DDX52: variants seen among roughly 807,000 people sequenced by gnomAD.
The protein encoded by DDX52 is DExD-box helicase 52.
In DDX52, 59 loss-of-function variants were observed where a neutral mutation model predicts 76.1. The ratio of observed to expected loss-of-function variants is 0.78; its 90% confidence interval spans 0.63 to 0.96. The LOEUF is 0.96. Among genes scored for constraint, DDX52 ranks in the 40% least tolerant of loss-of-function variants. The pLI is 0.00. For missense variants in DDX52, 707 were observed against 703.9 expected (o/e 1.00, Z -0.05); for synonymous variants, 231 against 244.1 (o/e 0.95, Z 0.50).
At chr17:37,617,958 A>C (rs1344444352) in intron 14 of DDX52, among the ~76,000 whole-genome samples, 1 of 150,706 alleles carries the variant, frequency 6.6e-6, no homozygotes, top group African/African-American at 2.4e-5. Context: ...TAAAAATACA[A>C]AAAAAAAATA....
At chr17:37,618,192 T>C in intron 14 of DDX52, 100 bp downstream of exon 14, 4 of 801,478 alleles carry the variant, frequency 5.0e-6, no homozygotes, top group South Asian at 1.6e-5. Context: ...TAACAGACTG[T>C]AGTATCAATT....
intron 14 of DDX52, among the ~76,000 whole-genome samples, chr17:37,618,044 G>C (rs983962626): frequency 6.6e-6 from 1 of 152,160 alleles, no homozygotes; most frequent in Non-Finnish European, 1.5e-5. Context: ...GAACCCGGGA[G>C]GCAGAGGTTG....
Position 37,633,396 on chromosome 17 carries a change from A to T in DDX52, c.309T>A (p.Gly103=). ...CAGATGACATCCACTGTATAGTAGC[A>T]CCTTCTTCTTGGGAAGCAATTTCTA... ...MTSEIASQEE[G]ATIQWMSSVE... Residue 103 remains glycine (G), a synonymous_variant, in exon 3 of 15, where the codon GGT becomes GGA. Coordinates refer to ENST00000617633, the MANE Select transcript of DDX52 (RefSeq NM_007010.5). 6.3e-7 allele frequency: 1 copy of T among 1,575,212 alleles called. No individual in the cohort carries two copies. Among genetic ancestry groups the T allele is most frequent in the Non-Finnish European group, 8.6e-7 (1 of 1,166,078 alleles).
intron 2 of DDX52, among the ~76,000 whole-genome samples, chr17:37,634,182 C>G (rs2030820803): frequency 6.6e-6 from 1 of 151,502 alleles, no homozygotes; most frequent in Non-Finnish European, 1.5e-5. Context: ...CACCTGACCT[C>G]AAGTGATCCG....
rs1299477102 is a variant in DDX52 at position 37,610,541 on chromosome 17, C to G, written c.*3755G>C. 6.7e-6 allele frequency: 1 copy of G among 149,892 alleles called. No homozygotes were observed. The highest frequency in any genetic ancestry group is 1.5e-5 in the Non-Finnish European group (1 of 67,974). The allele number at this position is 149,892 out of a possible 1,614,324, so 9.3% of individuals were successfully genotyped here. A position where few individuals can be genotyped will look rare whatever the true frequency, so the allele number is the denominator to read the frequency against. The stretch of plus-strand genomic sequence containing the variant: ...ACAAGTAATGGATTAATTAGCTTTA[C>G]GTTTTCACTCTTGTCTCAAGGTTTT... On this transcript the variant is annotated 3_prime_UTR_variant, in exon 15 of 15. Transcript: ENST00000617633.
intron 3 of DDX52, 45 bp from the exon 4 acceptor site, chr17:37,632,343 A>G: frequency 6.3e-7 from 1 of 1,595,472 alleles, no homozygotes; most frequent in South Asian, 1.1e-5. Flanking sequence ...GGCCAAATAA[A>G]TACATTCTCA....
intron 4 of DDX52, 40 bp downstream of exon 4, chr17:37,632,072 GA>G: frequency 6.2e-7 from 1 of 1,611,700 alleles, no homozygotes; most frequent in South Asian, 1.1e-5. Context: ...CAAACACACA[GA>G]GGAAGGAATG....
intron 5 of DDX52, among the ~76,000 whole-genome samples, chr17:37,628,940 G>A (rs1034270446): frequency 8.5e-5 from 13 of 152,082 alleles, no homozygotes; most frequent in South Asian, 4.1e-4. Context: ...ACTACTGGCC[G>A]GGTGTGGGGG....
intron 5 of DDX52, among the ~76,000 whole-genome samples, chr17:37,629,329 C>T (rs2030564565): frequency 6.6e-6 from 1 of 151,338 alleles, no homozygotes; most frequent in Non-Finnish European, 1.5e-5. Context: ...ATATTAAGCA[C>T]ATTGGGAGGG....
Position 37,628,587 on chromosome 17 carries a change from A to G in DDX52, c.833T>C (p.Phe278Ser), listed in dbSNP as rs150658144. 448 of 1,612,894 alleles carry G rather than the reference A, an allele frequency of 2.8e-4. 2 individuals carry two copies. The highest frequency in any genetic ancestry group is 1.0e-3 in the South Asian group (94 of 90,638). Reference protein sequence around the residue: ...IHKAAVAAKKFGPKSSKKFDI... With the variant: ...IHKAAVAAKKSGPKSSKKFDI... ...AAACTTTTTAGATGATTTAGGTCCA[A>G]ATTTCTTGGCTGCCACTGCTGCTTT... Residue 278 changes from phenylalanine (F) to serine (S), a missense_variant, in exon 6 of 15, where the codon TTT (phenylalanine) becomes TCT (serine). Coordinates refer to ENST00000617633, the MANE Select transcript of DDX52 (RefSeq NM_007010.5).
chr17:37,626,070 C>A lies in DDX52; in HGVS notation c.961G>T (p.Asp321Tyr). The A allele has an allele frequency of 6.2e-7, 1 of 1,614,138 alleles. No individual in the cohort carries two copies. Among genetic ancestry groups the A allele is most frequent in the Non-Finnish European group, 8.5e-7 (1 of 1,180,020 alleles). ...GTTTTGCCATCTTCAAACAGTTTATCTGATTCGTCTACTACAAGCCACTCA... is the reference window on the plus strand; with the variant it reads ...GTTTTGCCATCTTCAAACAGTTTATATGATTCGTCTACTACAAGCCACTCA... ...SVEWLVVDES[D>Y]KLFEDGKTGF... The change falls in exon 8 of 15, where the codon GAT (aspartate) becomes TAT (tyrosine). Residue 321 changes from aspartate to tyrosine, a missense_variant. Physicochemically the swap from Asp to Tyr is radical, Grantham distance 160. Coordinates refer to ENST00000617633, the MANE Select transcript of DDX52 (RefSeq NM_007010.5).
At chr17:37,626,302 T>C (rs2030371444) in intron 7 of DDX52, among the ~76,000 whole-genome samples, 1 of 151,986 alleles carries the variant, frequency 6.6e-6, no homozygotes, top group Non-Finnish European at 1.5e-5. Flanking sequence ...TCATCTCGAA[T>C]TGTAATCCTC....
intron 14 of DDX52, among the ~76,000 whole-genome samples, chr17:37,615,820 C>T (rs1454392390): frequency 1.3e-5 from 2 of 152,046 alleles, no homozygotes; most frequent in East Asian, 3.9e-4. Context: ...TCAAGACCAC[C>T]CTGGCCAACA....
At chr17:37,642,379 C>G in intron 1 of DDX52, 71 bp from the exon 2 acceptor site, 1 of 1,479,510 alleles carries the variant, frequency 6.8e-7, no homozygotes, top group Non-Finnish European at 9.1e-7. Context: ...CAAGACTGTT[C>G]AATGACTCCT....
rs1237912242 is a variant in DDX52 at position 37,632,174 on chromosome 17, A to G, written c.542T>C (p.Leu181Pro). The G allele has an allele frequency of 6.8e-6, 11 of 1,613,572 alleles. No individual in the cohort carries two copies. The highest frequency in any genetic ancestry group is 9.3e-6 in the Non-Finnish European group (11 of 1,179,970). Residue 181 changes from leucine to proline, a missense_variant, in exon 4 of 15, where the codon CTA (leucine) becomes CCA (proline). Transcript: ENST00000617633. ...KINSRLLQNI[L>P]DAGFQMPTPI... ...CGTAGGCATTTGGAAACCTGCATCT[A>G]GAATGTTCTGAAGTAGTCGAGAATT...
chr17:37,634,763 A>G (rs1280005288), intron 2 of DDX52, among the ~76,000 whole-genome samples: 1 of 152,170 alleles, frequency 6.6e-6, no homozygotes, highest in Non-Finnish European at 1.5e-5. Flanking sequence ...TGGTGACTAG[A>G]TCAGCTGACT....
intron 4 of DDX52, chr17:37,631,857 G>A (rs557385458): frequency 1.9e-6 from 1 of 523,660 alleles, no homozygotes; most frequent in South Asian, 2.9e-5. Flanking sequence ...ATGTTGCAAG[G>A]AAAAGAACAC....
Position 37,609,963 on chromosome 17 carries a change from CA to C in DDX52, c.*4332del, listed in dbSNP as rs1181254139. 1.9e-4 allele frequency: 29 copies of C among 151,820 alleles called. No homozygotes were observed. The highest frequency in any genetic ancestry group is 7.1e-4 in the African/African-American group (29 of 41,076). 9.4% of individuals were successfully genotyped at this position (151,820 alleles called of 1,614,324 possible). On this transcript the variant is annotated 3_prime_UTR_variant, in exon 15 of 15. Coordinates refer to ENST00000617633, the MANE Select transcript of DDX52 (RefSeq NM_007010.5). The stretch of plus-strand genomic sequence containing the variant: ...CAACCAAGAGCCCAAAAACCCAACC[CA>C]TATTTCGAAAAAACTCCAAGGTGTA...
chr17:37,630,318 A>G (rs2075901179), intron 4 of DDX52, 145 bp from the exon 5 acceptor site: 1 of 934,632 alleles, frequency 1.1e-6, no homozygotes, highest in African/African-American at 1.7e-5. Context: ...TGCTTTCCTA[A>G]CATCATCCAT....
Sources: allele counts gnomAD v4.1 joint callset (sites outside exome capture counted in the v4.1 genomes callset), GRCh38; gene constraint gnomAD v4.1.1; transcripts MANE v1.5; gene names NCBI Gene and HGNC (gene_info 2026-07-23, HGNC 2026-07-21).